Variants in PPIL4 observed in about 807,000 individuals in gnomAD.
PPIL4 encodes peptidylprolyl isomerase like 4.
Under a neutral mutation model 69.1 loss-of-function variants are expected in PPIL4, and 50 were observed. That is an observed-to-expected ratio of 0.72 (90% CI 0.58 to 0.92). The LOEUF is 0.92. Among genes scored for constraint, PPIL4 ranks in the 40% least tolerant of loss-of-function variants. PPIL4 has a pLI of 0.00. For synonymous variants in PPIL4, 193 were observed against 191.6 expected, an observed-to-expected ratio of 1.01 and a Z score of -0.06; for missense variants, 480 against 587.9, an observed-to-expected ratio of 0.82 and a Z score of 1.90.
chr6:149,508,415 C>A lies in PPIL4; in HGVS notation c.1228-2711G>T, dbSNP rs889708033. ...AACATAAGACAAGATGATTAAACTA[C>A]CATGTGGCAAAAAAAGAAAAGAAAA... On this transcript the variant is annotated intron_variant, in intron 12 of 12. Transcript: ENST00000253329. Among the ~76,000 whole-genome samples the A allele has an allele frequency of 2.0e-5, 3 of 151,876 alleles. No homozygotes were observed. In the South Asian group the frequency reaches 6.2e-4, roughly 32 times the overall value.
At chr6:149,515,325 C>T (rs2115029331) in intron 11 of PPIL4, among the ~76,000 whole-genome samples, 1 of 151,548 alleles carries the variant, frequency 6.6e-6, no homozygotes, top group East Asian at 1.9e-4. Context: ...GAAGACAGCA[C>T]TCCCATGAGC....
At chr6:149,513,428 T>TATATATATATATAC (rs1554215982) in intron 11 of PPIL4, among the ~76,000 whole-genome samples, 59 of 127,026 alleles carry the variant, frequency 4.6e-4, no homozygotes, top group African/African-American at 1.9e-3. Flanking sequence ...TATATATATA[T>TATATATATATATAC]ATATATATAT....
intron 7 of PPIL4, among the ~76,000 whole-genome samples, chr6:149,530,858 A>G (rs1161456083): frequency 1.3e-5 from 2 of 152,176 alleles, no homozygotes; most frequent in Non-Finnish European, 2.9e-5. Flanking sequence ...GACATTTGAA[A>G]GATCTCCAAG....
chr6:149,519,350 C>T (rs570965620), intron 10 of PPIL4, among the ~76,000 whole-genome samples: 51 of 152,142 alleles, frequency 3.4e-4, no homozygotes, highest in Non-Finnish European at 4.3e-4. Context: ...TCTTTGGAAG[C>T]AGAGCTCTAC....
chr6:149,525,233 A>G, intron 8 of PPIL4, 24 bp from the exon 9 acceptor site: 1 of 1,285,032 alleles, frequency 7.8e-7, no homozygotes, highest in Non-Finnish European at 1.1e-6. Context: ...TTTAAAAGTG[A>G]CTTAAAAAAA....
intron 4 of PPIL4, among the ~76,000 whole-genome samples, chr6:149,538,828 A>T (rs1337031710): frequency 6.7e-6 from 1 of 149,682 alleles, no homozygotes; most frequent in East Asian, 1.9e-4. Context: ...CTTAAGGATG[A>T]GCAAACAAAG....
At chr6:149,526,872 TA>T (rs1777115447) in intron 7 of PPIL4, 96 bp from the exon 8 acceptor site, 5 of 1,190,578 alleles carry the variant, frequency 4.2e-6, no homozygotes, top group Non-Finnish European at 6.0e-6. Context: ...TTAAAACATC[TA>T]AATTTATGTT....
chr6:149,522,866 C>T (rs1418673147), intron 9 of PPIL4, among the ~76,000 whole-genome samples: 4 of 152,122 alleles, frequency 2.6e-5, no homozygotes, highest in African/African-American at 9.7e-5. Flanking sequence ...CCACCTCGGC[C>T]TCCCAAAGTG....
At chr6:149,524,130 C>T (rs9322184) in intron 9 of PPIL4, among the ~76,000 whole-genome samples, 52,441 of 152,080 alleles carry the variant, frequency 0.34, 12,208 homozygotes, top group East Asian at 0.77. Flanking sequence ...TACCATAGCA[C>T]AGTGTAAACT....
intron 3 of PPIL4, 93 bp downstream of exon 3, chr6:149,541,274 T>C: frequency 3.6e-6 from 2 of 553,884 alleles, no homozygotes; most frequent in Admixed American, 4.2e-5. Flanking sequence ...TTTTTCCTCA[T>C]TTAAGAATAA....
intron 11 of PPIL4, chr6:149,517,091 T>C (rs1329298591): frequency 3.9e-6 from 1 of 255,546 alleles, no homozygotes; most frequent in African/African-American, 2.2e-5. Flanking sequence ...TAACCTAGAG[T>C]AGGAAAGTAT....
rs1179724767 is a variant in PPIL4, at chr6:149,534,595, ATTAACT to A, written c.561+77_561+82del. 2.3e-4 allele frequency: 169 copies of A among 739,988 alleles called. 1 individual carries two copies. The East Asian group carries it at 4.8e-3, about 21-fold the overall frequency. The allele number at this position is 739,988 out of a possible 1,614,324, so 45.8% of individuals were successfully genotyped here. On this transcript the variant is annotated intron_variant, in intron 6 of 12. Coordinates refer to ENST00000253329, the MANE Select transcript of PPIL4 (RefSeq NM_139126.4). ...TAAGCAAGATAATAATTCGGAAAAA[ATTAACT>A]TTAACAGATGAAAAAGATAAATCCA...
Position 149,522,117 on chromosome 6 carries a change from T to C in PPIL4, c.871-946A>G, listed in dbSNP as rs77362687. 1.5e-3 allele frequency among the ~76,000 whole-genome samples: 224 copies of C among 152,342 alleles called. 1 individual carries two copies. Among genetic ancestry groups the C allele is most frequent in the African/African-American group, 5.3e-3 (220 of 41,580 alleles). Reference sequence around the variant, plus strand: ...ACATCATTTAGAACATCATATGGCATGGTATCTAAAACGTAGGCAATCAGT... The same window carrying C: ...ACATCATTTAGAACATCATATGGCACGGTATCTAAAACGTAGGCAATCAGT... On this transcript the variant is annotated intron_variant, in intron 9 of 12. Coordinates refer to ENST00000253329, the MANE Select transcript of PPIL4 (RefSeq NM_139126.4).
chr6:149,527,557 T>C (rs941811310), intron 7 of PPIL4, among the ~76,000 whole-genome samples: 3 of 152,198 alleles, frequency 2.0e-5, no homozygotes, highest in African/African-American at 7.2e-5. Flanking sequence ...GTAAAGTACA[T>C]GTAAGTCATA....
At position 149,521,160 on chromosome 6, in the gene PPIL4, A is replaced by C; in HGVS notation, c.882T>G (p.Cys294Trp). Residue 294 changes from cysteine to tryptophan, a missense_variant, in exon 10 of 13, where the codon TGT (cysteine) becomes TGG (tryptophan). Coordinates refer to ENST00000253329, the MANE Select transcript of PPIL4 (RefSeq NM_139126.4). ...AFIEFEKEED[C>W]EKAFFKMDNV... is the part of the protein sequence containing the mutation. ...TGTCCATTTTGAAGAATGCTTTCTC[A>C]CAATCTTCTTCCTGATAATAATTAT... is the stretch of plus-strand genomic sequence containing the variant. 6.5e-7 allele frequency: 1 copy of C among 1,549,326 alleles called. No homozygotes were observed. Among genetic ancestry groups the C allele is most frequent in the Non-Finnish European group, 8.9e-7 (1 of 1,127,264 alleles).
intron 1 of PPIL4, among the ~76,000 whole-genome samples, chr6:149,544,924 A>T (rs1483622155): frequency 6.6e-6 from 1 of 152,076 alleles, no homozygotes; most frequent in African/African-American, 2.4e-5. Context: ...CCCTGTTTGT[A>T]ACTAATCTCT....
At chr6:149,529,496 A>T (rs554771664) in intron 7 of PPIL4, among the ~76,000 whole-genome samples, 22 of 151,866 alleles carry the variant, frequency 1.4e-4, no homozygotes, top group Non-Finnish European at 3.1e-4. Context: ...GGGCAGGGTG[A>T]CTCATGCTGT....
intron 1 of PPIL4, among the ~76,000 whole-genome samples, chr6:149,542,664 T>C (rs1039759442): frequency 6.6e-6 from 1 of 152,224 alleles, no homozygotes; most frequent in African/African-American, 2.4e-5. Flanking sequence ...AAAAAGTAGT[T>C]TTAAAAATTC....
Position 149,505,595 on chromosome 6 carries a change from G to T in PPIL4, c.1337C>A (p.Ser446Tyr), listed in dbSNP as rs751478073. The T allele has an allele frequency of 6.2e-7, 1 of 1,614,062 alleles. No homozygotes were observed. Among genetic ancestry groups the T allele is most frequent in the Non-Finnish European group, 8.5e-7 (1 of 1,180,014 alleles). ...DRTQNRSRSR[S>Y]RERDGHYSNS... ...ACTATAATGGCCATCCCTCTCTCGA[G>T]ATCGGCTACGACTTCGGTTCTGAGT... Residue 446 changes from serine to tyrosine, a missense_variant, in exon 13 of 13, where the codon TCT becomes TAT. By Grantham distance (144) the Ser-to-Tyr change is moderately radical (BLOSUM62 -2). Transcript: ENST00000253329.
Sources: allele counts gnomAD v4.1 joint callset (sites outside exome capture counted in the v4.1 genomes callset), GRCh38; gene constraint gnomAD v4.1.1; transcripts MANE v1.5; gene names NCBI Gene and HGNC (gene_info 2026-07-23, HGNC 2026-07-21).